CBLN2: variants seen among roughly 807,000 people sequenced by gnomAD.
CBLN2 encodes cerebellin-2.
Under a neutral mutation model 15.0 loss-of-function variants are expected in CBLN2, and 7 were observed. That is an observed-to-expected ratio of 0.47 (90% CI 0.27 to 0.88). The LOEUF is 0.88. CBLN2 is among the 40% of genes least tolerant of loss of function. The probability of loss-of-function intolerance (pLI) is 0.14; values close to 1 mark genes in which losing one functional copy is unlikely to be tolerated. For synonymous variants in CBLN2, 149 were observed against 135.2 expected (o/e 1.10, Z -0.71); for missense variants, 242 against 304.5 (o/e 0.79, Z 1.53).
intron 1 of CBLN2, among the ~76,000 whole-genome samples, chr18:72,571,498 T>A (rs1266118578): frequency 6.6e-6 from 1 of 152,198 alleles, no homozygotes; most frequent in Non-Finnish European, 1.5e-5. Context: ...GGGAAATTTA[T>A]GGAGTAAGTA....
chr18:72,582,467 A>C (rs919279324), intron 1 of CBLN2, among the ~76,000 whole-genome samples: 2 of 152,138 alleles, frequency 1.3e-5, no homozygotes, highest in Non-Finnish European at 2.9e-5. Flanking sequence ...CACTTGCCAT[A>C]AAACTTCCTG....
intron 1 of CBLN2, among the ~76,000 whole-genome samples, chr18:72,623,235 A>C (rs1323451945): frequency 6.6e-6 from 1 of 152,136 alleles, no homozygotes; most frequent in Non-Finnish European, 1.5e-5. Context: ...TGGAGATTAC[A>C]ATTTGACATG....
chr18:72,607,678 CCTCT>C (rs137899122), intron 1 of CBLN2, among the ~76,000 whole-genome samples: 1 of 149,590 alleles, frequency 6.7e-6, no homozygotes, highest in Non-Finnish European at 1.5e-5. Context: ...TATGTAGATA[CCTCT>C]CTCTCTCTCT....
intron 1 of CBLN2, among the ~76,000 whole-genome samples, chr18:72,593,966 A>C (rs2144933862): frequency 6.6e-6 from 1 of 152,312 alleles, no homozygotes; most frequent in Middle Eastern, 3.4e-3. Flanking sequence ...AAAAAGGATG[A>C]ATTCATGTCC....
At chr18:72,621,035 A>C (rs2069697380) in intron 1 of CBLN2, among the ~76,000 whole-genome samples, 1 of 152,190 alleles carries the variant, frequency 6.6e-6, no homozygotes, top group Non-Finnish European at 1.5e-5. Flanking sequence ...TGTTAATATA[A>C]ATATCTCAGA....
intron 1 of CBLN2, among the ~76,000 whole-genome samples, chr18:72,585,902 C>G (rs1035554770): frequency 2.0e-5 from 3 of 152,248 alleles, no homozygotes; most frequent in African/African-American, 7.2e-5. Flanking sequence ...ACATGGCCAG[C>G]TTGCAACAGT....
chr18:72,577,950 T>C (rs558510192), intron 1 of CBLN2, among the ~76,000 whole-genome samples: 1 of 152,362 alleles, frequency 6.6e-6, no homozygotes, highest in East Asian at 1.9e-4. Flanking sequence ...TGATATGTTA[T>C]GCTTCAAAGA....
At chr18:72,567,420 T>A (rs1339810881) in intron 1 of CBLN2, among the ~76,000 whole-genome samples, 2 of 152,132 alleles carry the variant, frequency 1.3e-5, no homozygotes, top group African/African-American at 4.8e-5. Context: ...TTGTTCTAAA[T>A]TACTGCTTGT....
intron 1 of CBLN2, among the ~76,000 whole-genome samples, chr18:72,609,337 G>A (rs533963651): frequency 6.6e-6 from 1 of 151,872 alleles, no homozygotes; most frequent in African/African-American, 2.4e-5. Context: ...AGGTTATAGG[G>A]GTGGTCACTA....
In CBLN2 at chr18:72,570,282, G is replaced by T. The variant is rs370444709; in HGVS notation, c.16-31510C>A. ...GCACTGTTTTCTTCCTTTCTTTCTG[G>T]TTTTTTTTTTTTTTTTTTTCCCGCG... On this transcript the variant is annotated intron_variant, in intron 1 of 2. Transcript: ENST00000581073. Among the ~76,000 whole-genome samples the T allele has an allele frequency of 9.7e-4, 130 of 133,756 alleles. 1 individual carries two copies. Among genetic ancestry groups the T allele is most frequent in the African/African-American group, 3.4e-3 (119 of 34,848 alleles). The allele number at this position is 133,756 out of a possible 152,430, so 87.7% of individuals were successfully genotyped here.
chr18:72,575,761 G>A (rs1363886561), intron 1 of CBLN2, among the ~76,000 whole-genome samples: 2 of 152,022 alleles, frequency 1.3e-5, no homozygotes, highest in African/African-American at 4.8e-5. Flanking sequence ...TAGGACTTGG[G>A]GTTTGGAAGG....
rs1285415467 is a variant in CBLN2, at chr18:72,537,067, T to C, written c.*1109A>G. On this transcript the variant is annotated 3_prime_UTR_variant, in exon 5 of 5. Coordinates refer to ENST00000269503, the MANE Select transcript of CBLN2 (RefSeq NM_182511.4). ...GGTCTGTTGGCTTTGAAGCACCTGA[T>C]CACTGTGCGCTCACTCAGAGGTGGA... 6.6e-6 allele frequency: 1 copy of C among 152,210 alleles called. No individual in the cohort carries two copies. Among genetic ancestry groups the C allele is most frequent in the Non-Finnish European group, 1.5e-5 (1 of 68,062 alleles). 9.4% of individuals were successfully genotyped at this position (152,210 alleles called of 1,614,324 possible).
intron 3 of CBLN2, chr18:72,539,927 CATT>C (rs1322412670): frequency 6.6e-6 from 1 of 152,224 alleles, no homozygotes; most frequent in Non-Finnish European, 1.5e-5. Context: ...CTTACACACT[CATT>C]ATAGATGAAT....
chr18:72,546,557 A>G (rs2069160035), upstream of CBLN2, among the ~76,000 whole-genome samples: 1 of 152,202 alleles, frequency 6.6e-6, no homozygotes, highest in African/African-American at 2.4e-5. Context: ...TAGTTATCTC[A>G]GGGATTCCTT....
chr18:72,553,464 A>ATAGG (rs1435187657), intron 1 of CBLN2, among the ~76,000 whole-genome samples: 1 of 106,942 alleles, frequency 9.4e-6, no homozygotes, highest in Non-Finnish European at 2.2e-5. Context: ...TTTGTGATAG[A>ATAGG]TAGATAGATA....
At chr18:72,555,847 A>G (rs1295961634) in intron 1 of CBLN2, among the ~76,000 whole-genome samples, 4 of 152,196 alleles carry the variant, frequency 2.6e-5, no homozygotes, top group Admixed American at 1.3e-4. Flanking sequence ...TAGTCCCTGA[A>G]CAAGTTCCCT....
intron 2 of CBLN2, chr18:72,542,937 AC>A (rs1338185501): frequency 1.3e-5 from 2 of 156,914 alleles, no homozygotes; most frequent in African/African-American, 4.8e-5. Flanking sequence ...ACACACACAC[AC>A]ACACACACAC....
At chr18:72,558,863 G>T (rs1326837152) in intron 1 of CBLN2, among the ~76,000 whole-genome samples, 1 of 152,054 alleles carries the variant, frequency 6.6e-6, no homozygotes, top group Non-Finnish European at 1.5e-5. Flanking sequence ...AGACCAACCT[G>T]GCCAACATGG....
chr18:72,545,151 A>AT (rs1185518812), upstream of CBLN2, among the ~76,000 whole-genome samples: 1 of 152,064 alleles, frequency 6.6e-6, no homozygotes, highest in African/African-American at 2.4e-5. Flanking sequence ...TGAAGGCCTT[A>AT]TTTTCCCATA....
Sources: allele counts gnomAD v4.1 joint callset (sites outside exome capture counted in the v4.1 genomes callset), GRCh38; gene constraint gnomAD v4.1.1; transcripts MANE v1.5; gene names NCBI Gene and HGNC (gene_info 2026-07-23, HGNC 2026-07-21).